CGGBP1: variants seen among roughly 807,000 people sequenced by gnomAD.
The protein encoded by CGGBP1 is CGG triplet repeat-binding protein 1.
In CGGBP1, 4 loss-of-function variants were observed where a neutral mutation model predicts 11.4. The ratio of observed to expected loss-of-function variants is 0.35; its 90% confidence interval spans 0.17 to 0.80. CGGBP1 has a LOEUF of 0.80. CGGBP1 is among the 30% of genes least tolerant of loss of function. The probability of loss-of-function intolerance (pLI) is 0.52; values close to 1 mark genes in which losing one functional copy is unlikely to be tolerated. For missense variants in CGGBP1, 135 were observed against 202.1 expected (o/e 0.67, Z 2.01); for synonymous variants, 76 against 74.1 (o/e 1.03, Z -0.13).
intron 2 of CGGBP1, among the ~76,000 whole-genome samples, chr3:88,113,687 C>CATTTG (rs1423308355): frequency 6.6e-6 from 1 of 152,080 alleles, no homozygotes; most frequent in Non-Finnish European, 1.5e-5. Context: ...AGATGAAAGA[C>CATTTG]ATTTGATCTT....
rs142338457 is a variant in CGGBP1 at position 88,131,845 on chromosome 3, T to C, written c.-229+9125A>G. 1.2e-4 allele frequency among the ~76,000 whole-genome samples: 19 copies of C among 152,274 alleles called. No homozygotes were observed. In the East Asian group the frequency reaches 3.7e-3, roughly 29 times the overall value. On this transcript the variant is annotated intron_variant, in intron 2 of 3. Transcript: ENST00000462901. The stretch of plus-strand genomic sequence containing the variant: ...TTACTGTAATTTGATGAGCAGGATT[T>C]TTTTTCAGCCTCCAAAGTCTGTGCT...
intron 2 of CGGBP1, among the ~76,000 whole-genome samples, chr3:88,109,457 C>G (rs1012594963): frequency 1.3e-5 from 2 of 152,028 alleles, no homozygotes; most frequent in African/African-American, 4.8e-5. Flanking sequence ...CCTAATTTTC[C>G]TTTACTTAAA....
At chr3:88,134,248 T>C (rs1296463257) in intron 2 of CGGBP1, among the ~76,000 whole-genome samples, 7 of 152,006 alleles carry the variant, frequency 4.6e-5, no homozygotes, top group Admixed American at 3.3e-4. Flanking sequence ...ACCCTCATGA[T>C]GGTAATCAAG....
chr3:88,063,838 C>G (rs1042067872), upstream of CGGBP1, among the ~76,000 whole-genome samples: 7 of 152,022 alleles, frequency 4.6e-5, no homozygotes, highest in Admixed American at 3.9e-4. Flanking sequence ...CTTAGCATCC[C>G]GAGTTTGTGT....
chr3:88,110,515 G>T (rs1247073686), intron 2 of CGGBP1, among the ~76,000 whole-genome samples: 2 of 151,972 alleles, frequency 1.3e-5, no homozygotes, highest in Non-Finnish European at 2.9e-5. Context: ...ATTTAAATAT[G>T]GCTAACCATT....
At chr3:88,116,319 G>A (rs1218399224) in intron 2 of CGGBP1, among the ~76,000 whole-genome samples, 3 of 151,992 alleles carry the variant, frequency 2.0e-5, no homozygotes, top group Admixed American at 6.6e-5. Flanking sequence ...GTGGGAACTC[G>A]AGACCAGCCT....
chr3:88,121,607 T>C (rs1263427865), intron 2 of CGGBP1, among the ~76,000 whole-genome samples: 2 of 152,198 alleles, frequency 1.3e-5, no homozygotes, highest in Non-Finnish European at 2.9e-5. Context: ...ATTGCCTTTT[T>C]GTAAAGGAAA....
At chr3:88,128,048 C>T (rs1706224467) in intron 2 of CGGBP1, among the ~76,000 whole-genome samples, 1 of 152,024 alleles carries the variant, frequency 6.6e-6, no homozygotes, top group Non-Finnish European at 1.5e-5. Context: ...ATACGGGTTC[C>T]AGTTCCTGCT....
intron 2 of CGGBP1, among the ~76,000 whole-genome samples, chr3:88,089,645 G>C (rs1289561506): frequency 6.6e-6 from 1 of 152,034 alleles, no homozygotes; most frequent in Non-Finnish European, 1.5e-5. Context: ...TCCTCTTTGG[G>C]CTTTATTCTT....
chr3:88,106,871 A>C (rs1055289679), intron 2 of CGGBP1, among the ~76,000 whole-genome samples: 1 of 152,120 alleles, frequency 6.6e-6, no homozygotes, highest in Non-Finnish European at 1.5e-5. Context: ...TGAAGAAGTG[A>C]ATTTTTCCCT....
chr3:88,134,431 C>T (rs1455797263), intron 2 of CGGBP1, among the ~76,000 whole-genome samples: 2 of 152,022 alleles, frequency 1.3e-5, no homozygotes, highest in African/African-American at 4.8e-5. Context: ...AATATATCAG[C>T]TCTATCATAT....
At chr3:88,117,644 A>G (rs1705491009) in intron 2 of CGGBP1, among the ~76,000 whole-genome samples, 2 of 152,218 alleles carry the variant, frequency 1.3e-5, no homozygotes, top group South Asian at 2.1e-4. Flanking sequence ...TATGGTTATC[A>G]TGAAGAATCC....
At chr3:88,108,202 AG>A (rs1383732083) in intron 2 of CGGBP1, among the ~76,000 whole-genome samples, 1 of 151,600 alleles carries the variant, frequency 6.6e-6, no homozygotes, top group Non-Finnish European at 1.5e-5. Context: ...TTTTCAAAGT[AG>A]TTTTTTTTTT....
chr3:88,108,539 T>C (rs1704886254), intron 2 of CGGBP1, among the ~76,000 whole-genome samples: 1 of 152,274 alleles, frequency 6.6e-6, no homozygotes, highest in South Asian at 2.1e-4. Flanking sequence ...ATTTTAAAAT[T>C]GCAAGCTATT....
chr3:88,079,482 G>A (rs1707973981), intron 2 of CGGBP1, among the ~76,000 whole-genome samples: 1 of 151,952 alleles, frequency 6.6e-6, no homozygotes, highest in South Asian at 2.1e-4. Context: ...ACTGATAGAT[G>A]GATGTCACAT....
chr3:88,095,234 A>G (rs1326486812), intron 2 of CGGBP1, among the ~76,000 whole-genome samples: 1 of 152,104 alleles, frequency 6.6e-6, no homozygotes, highest in African/African-American at 2.4e-5. Context: ...TCCCCCTATG[A>G]ATAGGACTAT....
At chr3:88,101,674 C>T (rs1422758727) in intron 2 of CGGBP1, among the ~76,000 whole-genome samples, 1 of 152,080 alleles carries the variant, frequency 6.6e-6, no homozygotes, top group Non-Finnish European at 1.5e-5. Context: ...CTTTTCATTT[C>T]TCCTAGGTAG....
At chr3:88,088,897 C>T (rs191875540) in intron 2 of CGGBP1, among the ~76,000 whole-genome samples, 9 of 151,446 alleles carry the variant, frequency 5.9e-5, no homozygotes, top group African/African-American at 1.7e-4. Flanking sequence ...CTCAGCCTCC[C>T]GAGTAGCTGG....
At chr3:88,074,693 CT>C (rs1180680295) in intron 2 of CGGBP1, among the ~76,000 whole-genome samples, 1 of 152,160 alleles carries the variant, frequency 6.6e-6, no homozygotes, top group Non-Finnish European at 1.5e-5. Flanking sequence ...ACGTTTATTA[CT>C]GCACCCAACC....
Sources: allele counts gnomAD v4.1 joint callset (sites outside exome capture counted in the v4.1 genomes callset), GRCh38; gene constraint gnomAD v4.1.1; transcripts MANE v1.5; gene names NCBI Gene and HGNC (gene_info 2026-07-23, HGNC 2026-07-21).